MGME1: variants seen among roughly 807,000 people sequenced by gnomAD.
MGME1 encodes chromosome 20 open reading frame 72.
In MGME1, 22 loss-of-function variants were observed where a neutral mutation model predicts 33.0. The observed-to-expected ratio is 0.67, with a 90% CI of 0.48 to 0.95. The LOEUF (loss-of-function observed/expected upper bound fraction) is 0.95, where lower values mean the gene tolerates loss of function less well. MGME1 is among the 40% of genes least tolerant of loss of function. The pLI is 0.00. For missense variants in MGME1, 383 were observed against 397.8 expected (o/e 0.96, Z 0.32); for synonymous variants, 133 against 144.0 (o/e 0.92, Z 0.55).
At chr20:17,983,099 A>T (rs2036065715) in intron 3 of MGME1, among the ~76,000 whole-genome samples, 1 of 151,696 alleles carries the variant, frequency 6.6e-6, no homozygotes, top group Non-Finnish European at 1.5e-5. Context: ...TCACCATTCT[A>T]CTCTCTCTCT....
chr20:17,988,960 C>T (rs1307999363), intron 4 of MGME1, among the ~76,000 whole-genome samples: 2 of 151,860 alleles, frequency 1.3e-5, no homozygotes, highest in South Asian at 2.1e-4. Context: ...GACATGGTGG[C>T]GCACACTTGT....
intron 3 of MGME1, among the ~76,000 whole-genome samples, chr20:17,980,498 C>A (rs2035984724): frequency 1.3e-5 from 2 of 151,262 alleles, no homozygotes; most frequent in Admixed American, 6.6e-5. Flanking sequence ...TGCTTTTTTC[C>A]ACTTAAAAAA....
chr20:17,970,785 T>G (rs1231721125), intron 2 of MGME1, among the ~76,000 whole-genome samples: 1 of 152,240 alleles, frequency 6.6e-6, no homozygotes, highest in East Asian at 1.9e-4. Context: ...TAGCGTAAAC[T>G]GACTCGTAAA....
chr20:17,990,226 A>G lies in MGME1; in HGVS notation c.*117A>G, dbSNP rs552897321. ...TGGATCTGAGTGCTACACGAACACA[A>G]GTAGAAGTATTAATTTGTTGAAATG... On this transcript the variant is annotated 3_prime_UTR_variant, in exon 5 of 5. Coordinates refer to ENST00000377710, the MANE Select transcript of MGME1 (RefSeq NM_052865.4). The G allele has an allele frequency of 3.7e-5, 31 of 845,272 alleles. No homozygotes were observed. Among genetic ancestry groups the G allele is most frequent in the Middle Eastern group, 2.2e-4 (1 of 4,520 alleles). The allele number at this position is 845,272 out of a possible 1,614,324, so 52.4% of individuals were successfully genotyped here.
At chr20:17,988,818 T>C (rs921608577) in intron 4 of MGME1, among the ~76,000 whole-genome samples, 1 of 151,530 alleles carries the variant, frequency 6.6e-6, no homozygotes, top group African/African-American at 2.4e-5. Context: ...AAAAGCACTT[T>C]TTGGCTGGGC....
At chr20:17,983,136 A>G (rs931162660) in intron 3 of MGME1, among the ~76,000 whole-genome samples, 1 of 152,078 alleles carries the variant, frequency 6.6e-6, no homozygotes, top group African/African-American at 2.4e-5. Flanking sequence ...TTTAGATTCC[A>G]CATATAAATG....
At chr20:17,989,021 G>A (rs1389586468) in intron 4 of MGME1, among the ~76,000 whole-genome samples, 2 of 151,888 alleles carry the variant, frequency 1.3e-5, no homozygotes, top group African/African-American at 4.8e-5. Flanking sequence ...CCCAGGAAGT[G>A]GAGGTTCCAG....
chr20:17,988,841 G>A (rs1329657048), intron 4 of MGME1, among the ~76,000 whole-genome samples: 6 of 152,106 alleles, frequency 3.9e-5, no homozygotes, highest in South Asian at 2.1e-4. Context: ...AGTGGCTCAC[G>A]CACTTTGGGA....
intron 3 of MGME1, among the ~76,000 whole-genome samples, chr20:17,981,105 G>A (rs2036006872): frequency 6.6e-6 from 1 of 151,804 alleles, no homozygotes; most frequent in African/African-American, 2.4e-5. Flanking sequence ...TTTTTTTAAT[G>A]ACCAATGATC....
intron 3 of MGME1, among the ~76,000 whole-genome samples, chr20:17,976,399 C>G (rs2035867685): frequency 6.6e-6 from 1 of 152,186 alleles, no homozygotes. Flanking sequence ...GCTGGGATTA[C>G]AGGCGTGAGC....
At chr20:17,972,206 A>G (rs1310219655) in intron 2 of MGME1, among the ~76,000 whole-genome samples, 1 of 152,212 alleles carries the variant, frequency 6.6e-6, no homozygotes, top group Non-Finnish European at 1.5e-5. Flanking sequence ...GAAGAATTAC[A>G]TTTTAAAAAT....
At chr20:17,974,785 C>A (rs982137981) in intron 2 of MGME1, among the ~76,000 whole-genome samples, 4 of 151,856 alleles carry the variant, frequency 2.6e-5, no homozygotes, top group Non-Finnish European at 5.9e-5. Context: ...TCAGGCTGTT[C>A]CAGCACTAAA....
chr20:17,979,851 C>T (rs1275403821), intron 3 of MGME1, among the ~76,000 whole-genome samples: 1 of 152,142 alleles, frequency 6.6e-6, no homozygotes, highest in Middle Eastern at 3.2e-3. Flanking sequence ...TCCACCTCAG[C>T]TTCCCAAATA....
intron 3 of MGME1, among the ~76,000 whole-genome samples, chr20:17,981,970 C>T (rs973636078): frequency 3.3e-5 from 5 of 151,556 alleles, no homozygotes; most frequent in Non-Finnish European, 5.9e-5. Flanking sequence ...TCTCTTAACT[C>T]GTTTTTTGTA....
At chr20:17,989,475 G>A (rs1411665359) in intron 4 of MGME1, among the ~76,000 whole-genome samples, 1 of 151,946 alleles carries the variant, frequency 6.6e-6, no homozygotes, top group Non-Finnish European at 1.5e-5. Context: ...CACTTTGAAG[G>A]AGGCCGAGGT....
Position 17,969,883 on chromosome 20 carries a change from C to T in MGME1, c.24C>T (p.Thr8=). The T allele has an allele frequency of 2.5e-6, 4 of 1,610,004 alleles. No homozygotes were observed. The highest frequency in any genetic ancestry group is 2.5e-6 in the Non-Finnish European group (3 of 1,178,842). Residue 8 remains threonine, a synonymous_variant, in exon 2 of 5, where the codon ACC becomes ACT. Transcript: ENST00000377710. MKMKLFQ[T]ICRQLRSSKF... is the part of the protein sequence containing the mutation. ...GAATGAAGATGAAGTTATTTCAGAC[C>T]ATTTGCAGGCAGCTCAGGAGTTCAA...
At chr20:17,987,678 T>C (rs1406853944) in intron 3 of MGME1, among the ~76,000 whole-genome samples, 1 of 152,206 alleles carries the variant, frequency 6.6e-6, no homozygotes, top group African/African-American at 2.4e-5. Context: ...TCTAGAGCTA[T>C]AGTGACATGT....
At position 17,975,847 on chromosome 20, in the gene MGME1, T is replaced by G; in HGVS notation, c.675T>G (p.Ala225=). Reference sequence around the variant, plus strand: ...GTGGAGTGCGAGCTCTTGAAAGTGCTGTTCAACATGAAACCTTAAACTATA... The same window carrying G: ...GTGGAGTGCGAGCTCTTGAAAGTGCGGTTCAACATGAAACCTTAAACTATA... ...DVSGVRALES[A]VQHETLNYIG... The change falls in exon 3 of 5, where the codon GCT becomes GCG. Residue 225 remains alanine, a synonymous_variant. Transcript: ENST00000377710. 1 of 1,614,204 alleles carries G rather than the reference T, an allele frequency of 6.2e-7. No homozygotes were observed. Among genetic ancestry groups the G allele is most frequent in the Middle Eastern group, 1.6e-4 (1 of 6,062 alleles).
chr20:17,970,392 CTA>C (rs1568605322), intron 2 of MGME1, 22 bp downstream of exon 2: 1 of 1,580,788 alleles, frequency 6.3e-7, no homozygotes, highest in Non-Finnish European at 8.6e-7. Context: ...AATTCTGATT[CTA>C]TATGTTTGCT....
Sources: gnomAD v4.1 joint callset for allele counts (sites outside exome capture counted in the v4.1 genomes callset) on GRCh38, gnomAD v4.1.1 for gene constraint, MANE v1.5 for transcripts, NCBI Gene and HGNC (gene_info 2026-07-23, HGNC 2026-07-21) for gene names.